RGN: variants seen among roughly 807,000 people sequenced by gnomAD.
The protein encoded by RGN is epididymis secretory protein Li 41.
RGN carries 19 observed loss-of-function variants against 20.6 expected under a neutral mutation model. The observed-to-expected ratio is 0.92, with a 90% CI of 0.64 to 1.35. RGN has a LOEUF of 1.35. Ranked by LOEUF, RGN falls within the 40% of genes most tolerant of loss-of-function variation. The pLI is 0.00. For synonymous variants in RGN, 85 were observed against 87.2 expected (o/e 0.97, Z 0.14); for missense variants, 302 against 232.7 (o/e 1.30, Z -1.94).
intron 1 of RGN, among the ~76,000 whole-genome samples, chrX:47,079,198 G>T (rs1312534680): frequency 9.2e-6 from 1 of 108,872 alleles, no homozygotes; most frequent in Non-Finnish European, 1.9e-5. Flanking sequence ...TGACCTCAAT[G>T]TTCCTCCCAC....
chrX:47,091,866 A>C, intron 6 of RGN, 57 bp downstream of exon 6: 1 of 1,154,240 alleles, frequency 8.7e-7, no homozygotes, highest in South Asian at 2.0e-5. Flanking sequence ...ATATAGCCCG[A>C]AAGTTACAGT....
At chrX:47,089,568 TTA>T (rs1273460193) in intron 4 of RGN, among the ~76,000 whole-genome samples, 1 of 80,517 alleles carries the variant, frequency 1.2e-5, no homozygotes, top group African/African-American at 4.9e-5. Flanking sequence ...TATATACATA[TTA>T]TATATACTTT....
rs895282425 is a variant in RGN at position 47,091,874 on chromosome X, A to G, written c.694+65A>G. On this transcript the variant is annotated intron_variant, in intron 6 of 7. Coordinates refer to ENST00000397180, the MANE Select transcript of RGN (RefSeq NM_152869.4). ...GGCAGAGATATAGCCCGAAAGTTACAGTCAGAATTTCTTTTCCTGTAGAGG... is the reference window on the plus strand; with the variant it reads ...GGCAGAGATATAGCCCGAAAGTTACGGTCAGAATTTCTTTTCCTGTAGAGG... 4.9e-5 allele frequency: 56 copies of G among 1,142,980 alleles called. No homozygotes were observed. In the African/African-American group the frequency reaches 9.1e-4, roughly 19 times the overall value. The allele number at this position is 1,142,980 out of a possible 1,213,427, so 94.2% of individuals were successfully genotyped here.
intron 4 of RGN, among the ~76,000 whole-genome samples, chrX:47,088,833 C>T (rs180977062): frequency 9.8e-6 from 1 of 102,319 alleles, no homozygotes; most frequent in Admixed American, 1.1e-4. Context: ...TGCTCAGAGG[C>T]GGAGGTGGGA....
At position 47,086,035 on chromosome X, in the gene RGN, A is replaced by G. The variant is rs184194088; in HGVS notation, c.346+1435A>G. 1.5e-3 allele frequency among the ~76,000 whole-genome samples: 167 copies of G among 112,289 alleles called. 1 individual carries two copies. Among genetic ancestry groups the G allele is most frequent in the African/African-American group, 5.0e-3 (155 of 30,984 alleles). ...CCAGCACAGGATGCAGTCTAGGCTC[A>G]TGGATTGCATTTCCTTTTCATATCT... On this transcript the variant is annotated intron_variant, in intron 4 of 7. Transcript: ENST00000397180.
chrX:47,081,046 C>G (rs1169714294), intron 2 of RGN, 84 bp from the exon 3 acceptor site: 25 of 657,362 alleles, frequency 3.8e-5, no homozygotes, highest in Non-Finnish European at 4.7e-5. Context: ...GGAAGTGTAT[C>G]CAGCCTTGCC....
rs970714396 is a variant in RGN, at chrX:47,078,655, G to C, written c.-690G>C. Reference sequence around the variant, plus strand: ...CTCTGTCGCTGTCGCCGTCGCCGTCGCCCGAGGTCCCAGCGGCTCTACCAG... The same window carrying C: ...CTCTGTCGCTGTCGCCGTCGCCGTCCCCCGAGGTCCCAGCGGCTCTACCAG... On this transcript the variant is annotated 5_prime_UTR_variant, in exon 1 of 8. Coordinates refer to ENST00000397180, the MANE Select transcript of RGN (RefSeq NM_152869.4). 2.7e-5 allele frequency: 3 copies of C among 111,762 alleles called. No individual in the cohort carries two copies. Among genetic ancestry groups the C allele is most frequent in the East Asian group, 2.8e-4 (1 of 3,516 alleles). The allele number at this position is 111,762 out of a possible 1,213,427, so 9.2% of individuals were successfully genotyped here.
intron 4 of RGN, chrX:47,084,880 A>C (rs782691855): frequency 7.6e-5 from 20 of 262,122 alleles, no homozygotes; most frequent in African/African-American, 5.0e-4. Context: ...ATCTGAGCCC[A>C]GGAGTTTGAG....
chrX:47,092,239 T>C (rs1931049036), intron 7 of RGN, 24 bp downstream of exon 7: 11 of 1,147,266 alleles, frequency 9.6e-6, no homozygotes, highest in Non-Finnish European at 7.0e-6. Flanking sequence ...TTCTTTTATT[T>C]TGGGGGTGGG....
chrX:47,083,003 T>C (rs1026699349), intron 3 of RGN, among the ~76,000 whole-genome samples: 2 of 111,302 alleles, frequency 1.8e-5, no homozygotes, highest in Non-Finnish European at 3.8e-5. Flanking sequence ...GAAGGGGTGC[T>C]TAGGAAATGC....
intron 4 of RGN, among the ~76,000 whole-genome samples, chrX:47,085,417 T>A (rs1184314907): frequency 4.6e-5 from 5 of 109,669 alleles, no homozygotes; most frequent in Non-Finnish European, 9.5e-5. Context: ...CTCGGGAGGC[T>A]GAGGCAGGAG....
intron 3 of RGN, among the ~76,000 whole-genome samples, chrX:47,083,475 G>C (rs1390254394): frequency 9.0e-6 from 1 of 111,556 alleles, no homozygotes; most frequent in Non-Finnish European, 1.9e-5. Flanking sequence ...ATAAAATGTA[G>C]TAATATAATG....
chrX:47,078,955 CTTTT>C (rs781962121), intron 1 of RGN, among the ~76,000 whole-genome samples: 2 of 78,619 alleles, frequency 2.5e-5, no homozygotes, highest in Non-Finnish European at 4.8e-5. Flanking sequence ...CCCACCCCCG[CTTTT>C]TTTTTTTTTT....
intron 5 of RGN, among the ~76,000 whole-genome samples, chrX:47,090,235 TA>T (rs1445737796): frequency 1.8e-5 from 2 of 110,926 alleles, no homozygotes; most frequent in Non-Finnish European, 3.8e-5. Context: ...CTGGGGAAGC[TA>T]ATAAAAAATA....
intron 5 of RGN, 145 bp downstream of exon 5, chrX:47,090,136 C>T (rs782408676): frequency 1.2e-4 from 45 of 381,205 alleles, no homozygotes; most frequent in Non-Finnish European, 1.9e-4. Flanking sequence ...AATATAGTAA[C>T]GACAGCACAG....
At chrX:47,090,909 G>GAAGAAAGAAAGAAAGAAAGA (rs1569540707) in intron 5 of RGN, among the ~76,000 whole-genome samples, 16 of 17,014 alleles carry the variant, frequency 9.4e-4, no homozygotes, top group African/African-American at 2.6e-3. Flanking sequence ...AAGAAAGAAA[G>GAAGAAAGAAAGAAAGAAAGA]AAGAAGGAAA....
In RGN at chrX:47,081,334, AGCCAGCTACCTTTTCCCAGGGGAGG is replaced by A. The variant is rs782662469; in HGVS notation, c.163+29_163+53del. ...TAAGGATGAAGGCTGGACTCAGATCAGCCAGCTACCTTTTCCCAGGGGAGGGGCGGTCACCACGGCACCCTTCTTG... is the reference window on the plus strand; with the variant it reads ...TAAGGATGAAGGCTGGACTCAGATCAGGCGGTCACCACGGCACCCTTCTTG... On this transcript the variant is annotated intron_variant, in intron 3 of 7. Transcript: ENST00000397180. 620 of 1,195,655 alleles carry A rather than the reference AGCCAGCTACCTTTTCCCAGGGGAGG, an allele frequency of 5.2e-4. 2 individuals are homozygous for A. The African/African-American group carries it at 9.7e-3, about 19-fold the overall frequency.
intron 4 of RGN, among the ~76,000 whole-genome samples, chrX:47,085,251 G>A (rs1398663775): frequency 8.9e-6 from 1 of 111,792 alleles, no homozygotes; most frequent in Non-Finnish European, 1.9e-5. Context: ...AGGCGTGGTG[G>A]CTCACGCCTG....
At chrX:47,089,187 G>A (rs1349939896) in intron 4 of RGN, among the ~76,000 whole-genome samples, 3 of 29,501 alleles carry the variant, frequency 1.0e-4, no homozygotes, top group African/African-American at 3.3e-4. Flanking sequence ...AGGCTTTTCA[G>A]AGTTCCAAGA....
Sources: allele counts gnomAD v4.1 joint callset (sites outside exome capture counted in the v4.1 genomes callset), GRCh38; gene constraint gnomAD v4.1.1; transcripts MANE v1.5; gene names NCBI Gene and HGNC (gene_info 2026-07-23, HGNC 2026-07-21).